The following ANO4 variants were observed in gnomAD, a reference collection of about 807,000 sequenced individuals.
The protein encoded by ANO4 is anoctamin 4.
ANO4 carries 69 observed loss-of-function variants against 141.9 expected under a neutral mutation model. The observed-to-expected ratio is 0.49, with a 90% CI of 0.40 to 0.59. The LOEUF (loss-of-function observed/expected upper bound fraction) is 0.59, where lower values mean the gene tolerates loss of function less well. Among genes scored for constraint, ANO4 ranks in the 20% least tolerant of loss-of-function variants. ANO4 has a pLI of 0.00. For missense variants in ANO4, 894 were observed against 1,162.2 expected (o/e 0.77, Z 3.36); for synonymous variants, 350 against 394.3 (o/e 0.89, Z 1.33).
chr12:100,859,149 G>A (rs1376726704), intron 1 of ANO4: 2 of 152,174 alleles, frequency 1.3e-5, no homozygotes, highest in African/African-American at 4.8e-5. Flanking sequence ...GTACAGTATC[G>A]TTCCGTGCTA....
intron 1 of ANO4, among the ~76,000 whole-genome samples, chr12:100,815,380 G>A (rs904787708): frequency 1.3e-5 from 2 of 152,062 alleles, no homozygotes; most frequent in African/African-American, 4.8e-5. Flanking sequence ...AAGTATTTTT[G>A]ATATTTGACA....
chr12:100,785,400 A>G (rs1282555117), intron 3 of ANO4, among the ~76,000 whole-genome samples: 1 of 152,112 alleles, frequency 6.6e-6, no homozygotes, highest in Non-Finnish European at 1.5e-5. Context: ...CTGCCTGTTC[A>G]TCCCTCCTTC....
intron 5 of ANO4, among the ~76,000 whole-genome samples, chr12:100,956,747 C>T (rs1024492889): frequency 4.6e-5 from 7 of 152,296 alleles, no homozygotes; most frequent in South Asian, 2.1e-4. Flanking sequence ...TACAGGCGTT[C>T]GCTGTTCGCT....
At chr12:100,792,785 A>T (rs1236667160), upstream of ANO4, among the ~76,000 whole-genome samples, 1 of 152,200 alleles carries the variant, frequency 6.6e-6, no homozygotes, top group Admixed American at 6.5e-5. Flanking sequence ...ATTAATCTCA[A>T]TTCATTTAGG....
intron 1 of ANO4, among the ~76,000 whole-genome samples, chr12:100,876,289 A>AC (rs923683024): frequency 6.6e-6 from 1 of 151,562 alleles, no homozygotes; most frequent in African/African-American, 2.4e-5. Flanking sequence ...AAAAAAAAAA[A>AC]AAAAAAACAG....
intron 5 of ANO4, among the ~76,000 whole-genome samples, chr12:100,966,878 CACACAT>C (rs1592865160): frequency 7.5e-6 from 1 of 133,694 alleles, no homozygotes; most frequent in African/African-American, 3.0e-5. Context: ...TATATACACA[CACACAT>C]ACACACACAC....
chr12:101,109,212 G>T (rs1402743356), intron 22 of ANO4, among the ~76,000 whole-genome samples: 1 of 152,164 alleles, frequency 6.6e-6, no homozygotes, highest in African/African-American at 2.4e-5. Flanking sequence ...TCATATCGGG[G>T]TGTGTAACAT....
rs533829416 is a variant in ANO4, at chr12:100,999,908, G to A, written c.734+12238G>A. On this transcript the variant is annotated intron_variant, in intron 8 of 27. Transcript: ENST00000392977. ...AAAAAAAAAAAAAAACTTTAGCCAG[G>A]CATGGTGGTGCAAGACTGTAGTCCC... Among the ~76,000 whole-genome samples, 497 of 151,692 alleles carry A rather than the reference G, an allele frequency of 3.3e-3. 3 individuals are homozygous for A. The highest frequency in any genetic ancestry group is 0.012 in the African/African-American group (478 of 41,326).
chr12:100,782,677 G>A (rs1416523842), intron 3 of ANO4, among the ~76,000 whole-genome samples: 17 of 152,092 alleles, frequency 1.1e-4, no homozygotes, highest in African/African-American at 2.4e-5. Context: ...TGGAACATGG[G>A]GATAATAATA....
chr12:100,886,274 G>A (rs928630089), intron 1 of ANO4, among the ~76,000 whole-genome samples: 4 of 124,264 alleles, frequency 3.2e-5, no homozygotes, highest in African/African-American at 6.1e-5. Flanking sequence ...GTGATTCCCC[G>A]CTGTCTTAGC....
intron 7 of ANO4, among the ~76,000 whole-genome samples, chr12:100,977,137 A>C (rs1487898398): frequency 1.3e-5 from 2 of 152,208 alleles, no homozygotes; most frequent in Non-Finnish European, 2.9e-5. Flanking sequence ...GTATCTATTA[A>C]TACTTATTAC....
chr12:100,809,571 A>G (rs985901703), intron 1 of ANO4, among the ~76,000 whole-genome samples: 1 of 152,204 alleles, frequency 6.6e-6, no homozygotes, highest in Non-Finnish European at 1.5e-5. Context: ...AGGCTTCTCC[A>G]GACAGAGAAA....
intron 1 of ANO4, among the ~76,000 whole-genome samples, chr12:100,875,933 G>A (rs1000451752): frequency 2.6e-5 from 4 of 151,954 alleles, no homozygotes; most frequent in Admixed American, 2.6e-4. Flanking sequence ...TCCTAGTGGA[G>A]ATGCCAAAGA....
At chr12:101,002,073 C>T (rs1186769628) in intron 8 of ANO4, among the ~76,000 whole-genome samples, 1 of 152,168 alleles carries the variant, frequency 6.6e-6, no homozygotes, top group African/African-American at 2.4e-5. Flanking sequence ...CGGCCCTTCT[C>T]CTCCTTTCTA....
intron 22 of ANO4, among the ~76,000 whole-genome samples, chr12:101,106,712 T>G (rs1436419465): frequency 1.3e-5 from 2 of 151,464 alleles, no homozygotes; most frequent in Non-Finnish European, 2.9e-5. Flanking sequence ...TAGTATTTAT[T>G]TTATTTATAA....
intron 1 of ANO4, among the ~76,000 whole-genome samples, chr12:100,808,248 A>G (rs1367099877): frequency 2.0e-5 from 3 of 152,148 alleles, no homozygotes; most frequent in Non-Finnish European, 2.9e-5. Flanking sequence ...ACTTCTTAAT[A>G]ATAGCCATTC....
chr12:101,020,239 T>A, intron 9 of ANO4, 99 bp downstream of exon 9: 1 of 801,734 alleles, frequency 1.2e-6, no homozygotes, highest in Non-Finnish European at 2.0e-6. Flanking sequence ...TAGCAATGCT[T>A]GTCACTTATA....
intron 15 of ANO4, among the ~76,000 whole-genome samples, chr12:101,080,641 A>G (rs1197198304): frequency 1.3e-5 from 2 of 151,774 alleles, no homozygotes; most frequent in Non-Finnish European, 2.9e-5. Context: ...AGCCTGGCCA[A>G]TATGGTGAAA....
chr12:101,047,475 T>G (rs2047678721), intron 13 of ANO4, among the ~76,000 whole-genome samples: 3 of 152,206 alleles, frequency 2.0e-5, no homozygotes, highest in South Asian at 4.1e-4. Context: ...TGGAATAATC[T>G]GAAATACTTC....
Sources: gnomAD v4.1 joint callset for allele counts (sites outside exome capture counted in the v4.1 genomes callset) on GRCh38, gnomAD v4.1.1 for gene constraint, MANE v1.5 for transcripts, NCBI Gene and HGNC (gene_info 2026-07-23, HGNC 2026-07-21) for gene names.